The following CBLN2 variants were observed in gnomAD, a reference collection of about 807,000 sequenced individuals.
The protein encoded by CBLN2 is cerebellin-2.
In CBLN2, 7 loss-of-function variants were observed where a neutral mutation model predicts 15.0. The ratio of observed to expected loss-of-function variants is 0.47; its 90% CI spans 0.27 to 0.88. The LOEUF (loss-of-function observed/expected upper bound fraction) is 0.88, where lower values mean the gene tolerates loss of function less well. CBLN2 is among the 40% of genes least tolerant of loss of function. The pLI, the probability that CBLN2 is intolerant of heterozygous loss-of-function variation, is 0.14. For missense variants in CBLN2, 242 were observed against 304.5 expected (o/e 0.79, Z 1.53); for synonymous variants, 149 against 135.2 (o/e 1.10, Z -0.71).
chr18:72,576,485 A>C (rs985965521), intron 1 of CBLN2, among the ~76,000 whole-genome samples: 8 of 152,248 alleles, frequency 5.3e-5, no homozygotes, highest in African/African-American at 1.2e-4. Context: ...CTCTTTAATC[A>C]AAGGTTATAC....
At chr18:72,544,519 C>A (rs916355428), upstream of CBLN2, 1 of 152,212 alleles carries the variant, frequency 6.6e-6, no homozygotes, top group Non-Finnish European at 1.5e-5. Context: ...GGCTGCGGAC[C>A]GGCGGACTCC....
intron 1 of CBLN2, among the ~76,000 whole-genome samples, chr18:72,564,175 AAC>A (rs1363462559): frequency 6.6e-6 from 1 of 152,164 alleles, no homozygotes; most frequent in Non-Finnish European, 1.5e-5. Context: ...CCACAAAAGA[AAC>A]ACAATTCTCC....
intron 1 of CBLN2, among the ~76,000 whole-genome samples, chr18:72,624,142 A>T (rs1047475565): frequency 3.3e-4 from 50 of 152,032 alleles, no homozygotes; most frequent in African/African-American, 1.2e-3. Flanking sequence ...ACTAACGCTG[A>T]ATTTGTCTGA....
chr18:72,586,539 A>T (rs974239878), intron 1 of CBLN2, among the ~76,000 whole-genome samples: 3 of 152,206 alleles, frequency 2.0e-5, no homozygotes, highest in African/African-American at 7.2e-5. Flanking sequence ...CTGAAAGAAA[A>T]GTCATGCCCC....
chr18:72,546,391 C>T (rs1025993516), upstream of CBLN2, among the ~76,000 whole-genome samples: 1 of 151,558 alleles, frequency 6.6e-6, no homozygotes, highest in Non-Finnish European at 1.5e-5. Context: ...GAGCCAAGAT[C>T]GGGCCACTGC....
intron 1 of CBLN2, among the ~76,000 whole-genome samples, chr18:72,549,490 C>T (rs941250875): frequency 6.6e-6 from 1 of 152,172 alleles, no homozygotes; most frequent in African/African-American, 2.4e-5. Flanking sequence ...GTTAAACTCA[C>T]ATCAGAAAAT....
intron 1 of CBLN2, among the ~76,000 whole-genome samples, chr18:72,604,667 G>A (rs1019727492): frequency 2.6e-5 from 4 of 152,086 alleles, no homozygotes; most frequent in Admixed American, 2.0e-4. Context: ...TGGATTAATG[G>A]ATTAACGAGT....
At chr18:72,557,820 G>A (rs187231061) in intron 1 of CBLN2, among the ~76,000 whole-genome samples, 54 of 152,238 alleles carry the variant, frequency 3.5e-4, no homozygotes, top group African/African-American at 1.3e-3. Context: ...TTAATAGTGA[G>A]GTGATGGGTT....
At chr18:72,630,168 G>T (rs118103496) in intron 1 of CBLN2, among the ~76,000 whole-genome samples, 1 of 152,102 alleles carries the variant, frequency 6.6e-6, no homozygotes, top group Non-Finnish European at 1.5e-5. Context: ...CTATATACCA[G>T]CATGGTATCA....
intron 1 of CBLN2, among the ~76,000 whole-genome samples, chr18:72,634,294 C>A (rs1025397838): frequency 2.0e-5 from 3 of 151,944 alleles, no homozygotes; most frequent in Non-Finnish European, 4.4e-5. Flanking sequence ...TGAATCTACC[C>A]AAATATGTTA....
intron 1 of CBLN2, among the ~76,000 whole-genome samples, chr18:72,603,093 T>C (rs2069559879): frequency 1.3e-5 from 2 of 152,274 alleles, no homozygotes; most frequent in Non-Finnish European, 1.5e-5. Flanking sequence ...GTTACATGTA[T>C]ATGCCATGCC....
At chr18:72,555,905 A>G (rs1414490548) in intron 1 of CBLN2, among the ~76,000 whole-genome samples, 1 of 152,092 alleles carries the variant, frequency 6.6e-6, no homozygotes, top group Non-Finnish European at 1.5e-5. Context: ...GGTTATGTGG[A>G]GCAGGATGGC....
intron 4 of CBLN2, 51 bp from the exon 5 acceptor site, chr18:72,538,424 C>A (rs543635188): frequency 1.9e-6 from 3 of 1,585,562 alleles, no homozygotes; most frequent in Admixed American, 1.7e-5. Context: ...CCAACTCCCA[C>A]ACACTGTTCT....
intron 1 of CBLN2, among the ~76,000 whole-genome samples, chr18:72,614,197 T>C (rs919719615): frequency 3.3e-5 from 5 of 152,186 alleles, no homozygotes; most frequent in Non-Finnish European, 7.3e-5. Context: ...GCAACAACTT[T>C]ATAAACAAAT....
intron 1 of CBLN2, among the ~76,000 whole-genome samples, chr18:72,605,339 T>G (rs959964565): frequency 6.6e-6 from 1 of 152,220 alleles, no homozygotes; most frequent in African/African-American, 2.4e-5. Context: ...TTAATGGTTT[T>G]TTAAACAAAA....
At chr18:72,607,707 C>CTCTT (rs2069592641) in intron 1 of CBLN2, among the ~76,000 whole-genome samples, 1 of 146,978 alleles carries the variant, frequency 6.8e-6, no homozygotes, top group South Asian at 2.2e-4. Flanking sequence ...CTCTCTTTCT[C>CTCTT]TCTCTCTCTC....
At chr18:72,545,941 A>G (rs1205180124), upstream of CBLN2, among the ~76,000 whole-genome samples, 1 of 152,210 alleles carries the variant, frequency 6.6e-6, no homozygotes, top group Non-Finnish European at 1.5e-5. Flanking sequence ...ATAAATGTTT[A>G]GATTATATAT....
At chr18:72,563,807 C>T (rs963525118) in intron 1 of CBLN2, among the ~76,000 whole-genome samples, 6 of 152,186 alleles carry the variant, frequency 3.9e-5, no homozygotes, top group Non-Finnish European at 8.8e-5. Context: ...GTGGGCCAGG[C>T]TTGCACTCTC....
chr18:72,577,226 A>T (rs2069374103), intron 1 of CBLN2, among the ~76,000 whole-genome samples: 1 of 151,500 alleles, frequency 6.6e-6, no homozygotes, highest in Non-Finnish European at 1.5e-5. Context: ...ATATGTTAAC[A>T]ATGGTTATCT....
Sources: gnomAD v4.1 joint callset for allele counts (sites outside exome capture counted in the v4.1 genomes callset) on GRCh38, gnomAD v4.1.1 for gene constraint, MANE v1.5 for transcripts, NCBI Gene and HGNC (gene_info 2026-07-23, HGNC 2026-07-21) for gene names.